CEP112: variants seen among roughly 807,000 people sequenced by gnomAD.
The protein encoded by CEP112 is centrosomal protein of 112 kDa.
A neutral mutation model predicts 153.0 loss-of-function variants in CEP112; 127 were observed. The ratio of observed to expected loss-of-function variants is 0.83; its 90% confidence interval spans 0.72 to 0.96. The LOEUF is 0.96. Among genes scored for constraint, CEP112 ranks in the 40% least tolerant of loss-of-function variants. The pLI is 0.00. For missense variants in CEP112, 1,089 were observed against 1,101.2 expected (o/e 0.99, Z 0.16); for synonymous variants, 358 against 374.4 (o/e 0.96, Z 0.51).
chr17:66,132,299 T>C (rs1446498935), intron 5 of CEP112, among the ~76,000 whole-genome samples: 1 of 151,598 alleles, frequency 6.6e-6, no homozygotes, highest in Non-Finnish European at 1.5e-5. Context: ...ATATACAGTT[T>C]ACCTTCATTA....
At chr17:65,916,234 TTA>T (rs2060474092) in intron 19 of CEP112, among the ~76,000 whole-genome samples, 1 of 148,684 alleles carries the variant, frequency 6.7e-6, no homozygotes, top group Non-Finnish European at 1.5e-5. Context: ...CTACCTTAAA[TTA>T]TGTTTTGAAA....
At chr17:66,044,584 C>T (rs1233439840) in intron 12 of CEP112, among the ~76,000 whole-genome samples, 1 of 152,160 alleles carries the variant, frequency 6.6e-6, no homozygotes, top group Non-Finnish European at 1.5e-5. Flanking sequence ...ACCATAATGA[C>T]ATTATGCGAA....
intron 4 of CEP112, among the ~76,000 whole-genome samples, chr17:66,166,184 G>A (rs2071948218): frequency 6.6e-6 from 1 of 152,140 alleles, no homozygotes; most frequent in African/African-American, 2.4e-5. Flanking sequence ...GCAATCTGGT[G>A]TAGGCTCCTA....
chr17:66,034,717 A>T (rs1360342844), intron 12 of CEP112, among the ~76,000 whole-genome samples: 1 of 152,062 alleles, frequency 6.6e-6, no homozygotes, highest in Non-Finnish European at 1.5e-5. Flanking sequence ...AAAATGATAG[A>T]CATTGAAGCA....
intron 21 of CEP112, among the ~76,000 whole-genome samples, chr17:65,794,036 C>T (rs1261150806): frequency 6.6e-6 from 1 of 152,138 alleles, no homozygotes; most frequent in Non-Finnish European, 1.5e-5. Flanking sequence ...TCTGTCTATT[C>T]AACATTTATG....
chr17:65,654,555 G>C (rs1318583698), intron 24 of CEP112, among the ~76,000 whole-genome samples: 1 of 152,204 alleles, frequency 6.6e-6, no homozygotes, highest in Non-Finnish European at 1.5e-5. Context: ...TTTGAAGGTG[G>C]CATGAACTAG....
chr17:66,121,230 C>G lies in CEP112; in HGVS notation c.642+8516G>C, dbSNP rs531455933. ...GGCAGAAGTTGCGGTAAGCTGAGAT[C>G]GTGCCATTGCACTCTAGCCTGGGCA... On this transcript the variant is annotated intron_variant, in intron 6 of 26. Coordinates refer to ENST00000535342, the MANE Select transcript of CEP112 (RefSeq NM_001199165.4). 6.0e-5 allele frequency among the ~76,000 whole-genome samples: 9 copies of G among 151,258 alleles called. No homozygotes were observed. In the South Asian group the frequency reaches 1.0e-3, roughly 17 times the overall value.
At chr17:65,826,465 A>G in intron 21 of CEP112, 1 of 1,490,814 alleles carries the variant, frequency 6.7e-7, no homozygotes, top group South Asian at 1.3e-5. Context: ...ATTCCCCACC[A>G]CAATCTCTTA....
At chr17:65,855,969 A>T (rs2058107051) in intron 20 of CEP112, among the ~76,000 whole-genome samples, 1 of 152,038 alleles carries the variant, frequency 6.6e-6, no homozygotes, top group Non-Finnish European at 1.5e-5. Context: ...GAGGCTGAGG[A>T]AAGAAGATCA....
chr17:65,857,700 G>A (rs944578372), intron 20 of CEP112, among the ~76,000 whole-genome samples: 1 of 151,898 alleles, frequency 6.6e-6, no homozygotes, highest in African/African-American at 2.4e-5. Context: ...CTGACCTGAG[G>A]GATTTTTTTT....
At position 65,958,483 on chromosome 17, in the gene CEP112, C is replaced by T. The variant is rs566002004; in HGVS notation, c.1872+2980G>A. On this transcript the variant is annotated intron_variant, in intron 18 of 26. Transcript: ENST00000535342. ...AAGGTCCCTGCTGCCCTAGCTGGCTCAGAAGTGCTTGCTCCTGCTGTCTGG... is the reference window on the plus strand; with the variant it reads ...AAGGTCCCTGCTGCCCTAGCTGGCTTAGAAGTGCTTGCTCCTGCTGTCTGG... Among the ~76,000 whole-genome samples, 4 of 130,842 alleles carry T rather than the reference C, an allele frequency of 3.1e-5. No homozygotes were observed. The South Asian group carries it at 8.6e-4, about 28-fold the overall frequency. 85.8% of individuals were successfully genotyped at this position (130,842 alleles called of 152,430 possible). A position where few individuals can be genotyped will look rare whatever the true frequency, so the allele number is the denominator to read the frequency against.
chr17:66,130,406 A>C (rs182947474), intron 5 of CEP112, among the ~76,000 whole-genome samples: 303 of 152,236 alleles, frequency 2.0e-3, no homozygotes, highest in African/African-American at 6.8e-3. Flanking sequence ...GATGTCCAAG[A>C]AGCTCTTTGT....
At chr17:66,022,910 C>G (rs1815545428) in intron 16 of CEP112, among the ~76,000 whole-genome samples, 1 of 151,578 alleles carries the variant, frequency 6.6e-6, no homozygotes, top group Admixed American at 6.6e-5. Context: ...TAAGAAATTA[C>G]AAAATACAGT....
chr17:66,022,197 C>G (rs1357625352), intron 16 of CEP112, among the ~76,000 whole-genome samples: 1 of 152,080 alleles, frequency 6.6e-6, no homozygotes, highest in Non-Finnish European at 1.5e-5. Flanking sequence ...TCAACATACC[C>G]AGAAGTAAAC....
At chr17:65,659,065 C>G (rs139453207) in intron 24 of CEP112, among the ~76,000 whole-genome samples, 1 of 150,942 alleles carries the variant, frequency 6.6e-6, no homozygotes, top group East Asian at 1.9e-4. Flanking sequence ...CTATCCCCTG[C>G]CTTGAATATC....
At chr17:65,920,359 C>CAAAAAAAAAA (rs1555713306) in intron 19 of CEP112, among the ~76,000 whole-genome samples, 4 of 29,830 alleles carry the variant, frequency 1.3e-4, no homozygotes, top group African/African-American at 3.9e-4. Context: ...AACAAACAAA[C>CAAAAAAAAAA]AAAATATATA....
At chr17:65,862,584 C>A (rs1468644336) in intron 20 of CEP112, among the ~76,000 whole-genome samples, 1 of 152,050 alleles carries the variant, frequency 6.6e-6, no homozygotes, top group Non-Finnish European at 1.5e-5. Context: ...GAAACTCCAC[C>A]TCAAAAATAA....
intron 19 of CEP112, among the ~76,000 whole-genome samples, chr17:65,912,523 G>A (rs1421058102): frequency 6.6e-6 from 1 of 152,072 alleles, no homozygotes; most frequent in Admixed American, 6.6e-5. Context: ...TGGCTTCTCT[G>A]GCCTAAAGCA....
rs533272022 is a variant in CEP112 at position 65,801,668 on chromosome 17, T to C, written c.2394+50136A>G. Among the ~76,000 whole-genome samples, 5 of 152,342 alleles carry C rather than the reference T, an allele frequency of 3.3e-5. No homozygotes were observed. In the East Asian group the frequency reaches 9.6e-4, roughly 29 times the overall value. On this transcript the variant is annotated intron_variant, in intron 21 of 26. Transcript: ENST00000535342. The stretch of plus-strand genomic sequence containing the variant: ...TAGAATTCTTGGTTAACAGTGTTTT[T>C]CTTTAAGGGCTTTTAGTATTTCATT...
Sources: allele counts gnomAD v4.1 joint callset (sites outside exome capture counted in the v4.1 genomes callset), GRCh38; gene constraint gnomAD v4.1.1; transcripts MANE v1.5; gene names NCBI Gene and HGNC (gene_info 2026-07-23, HGNC 2026-07-21).